Variants in STXBP6 observed in about 807,000 individuals in gnomAD.
STXBP6 encodes syntaxin binding protein 6.
STXBP6 carries 21 observed loss-of-function variants against 26.9 expected under a neutral mutation model. The observed-to-expected ratio is 0.78, with a 90% CI of 0.55 to 1.12. STXBP6 has a LOEUF of 1.12. Ranked by LOEUF, STXBP6 falls within the 50% of genes most tolerant of loss-of-function variation. The pLI, the probability that STXBP6 is intolerant of heterozygous loss-of-function variation, is 0.00. For synonymous variants in STXBP6, 97 were observed against 92.6 expected, an observed-to-expected ratio of 1.05 and a Z score of -0.27; for missense variants, 232 against 257.9, an observed-to-expected ratio of 0.90 and a Z score of 0.69.
At chr14:24,957,499 T>C (rs1285491780) in intron 2 of STXBP6, among the ~76,000 whole-genome samples, 1 of 152,252 alleles carries the variant, frequency 6.6e-6, no homozygotes, top group African/African-American at 2.4e-5. Flanking sequence ...ACCAGCTGCC[T>C]TCTCGCCTTT....
At chr14:25,028,591 A>C (rs1385327273) in intron 1 of STXBP6, among the ~76,000 whole-genome samples, 1 of 152,184 alleles carries the variant, frequency 6.6e-6, no homozygotes, top group Non-Finnish European at 1.5e-5. Context: ...AGGTACAAAA[A>C]GATTAATGTT....
At chr14:24,959,133 C>CA (rs1325650197) in intron 2 of STXBP6, among the ~76,000 whole-genome samples, 8 of 152,302 alleles carry the variant, frequency 5.3e-5, no homozygotes, top group African/African-American at 1.7e-4. Flanking sequence ...CCACTTTCTG[C>CA]AAAAACAAAT....
At chr14:25,020,636 C>CA (rs1472786664) in intron 1 of STXBP6, among the ~76,000 whole-genome samples, 5 of 152,274 alleles carry the variant, frequency 3.3e-5, no homozygotes, top group Non-Finnish European at 7.4e-5. Flanking sequence ...TACCACCCAT[C>CA]AAATGGTCTA....
chr14:24,904,599 A>G (rs377032270), intron 2 of STXBP6, among the ~76,000 whole-genome samples: 4 of 152,198 alleles, frequency 2.6e-5, no homozygotes, highest in Non-Finnish European at 4.4e-5. Flanking sequence ...ATTGAGGTCC[A>G]TAAGGATGGG....
chr14:24,977,125 A>G (rs778043848), intron 1 of STXBP6, among the ~76,000 whole-genome samples: 5 of 148,670 alleles, frequency 3.4e-5, no homozygotes, highest in Non-Finnish European at 6.0e-5. Flanking sequence ...CGGCCTCCCT[A>G]CGTGCTGGGA....
chr14:24,888,941 C>G (rs924614183), intron 2 of STXBP6, among the ~76,000 whole-genome samples: 4 of 152,056 alleles, frequency 2.6e-5, no homozygotes, highest in African/African-American at 9.7e-5. Flanking sequence ...CCCTTTTCCT[C>G]TTTTTGTACT....
rs2067836825 is a variant in STXBP6 at position 24,811,984 on chromosome 14, A to T, written c.*725T>A. 1 of 151,986 alleles carries T rather than the reference A, an allele frequency of 6.6e-6. No homozygotes were observed. The highest frequency in any genetic ancestry group is 2.4e-5 in the African/African-American group (1 of 41,370). The allele number at this position is 151,986 out of a possible 1,614,324, so 9.4% of individuals were successfully genotyped here. On this transcript the variant is annotated 3_prime_UTR_variant, in exon 6 of 6. Coordinates refer to ENST00000323944, the MANE Select transcript of STXBP6 (RefSeq NM_001394410.1). ...CTTTTCTTTAGGGCTTTACTCTCAA[A>T]TTTTTACCCTTCATATGATAATTCC... is the stretch of plus-strand genomic sequence containing the variant.
intron 2 of STXBP6, among the ~76,000 whole-genome samples, 182 bp downstream of exon 2, chr14:24,974,483 A>G (rs2073989652): frequency 6.6e-6 from 1 of 152,224 alleles, no homozygotes; most frequent in Non-Finnish European, 1.5e-5. Flanking sequence ...TACCTTTCCA[A>G]TACGCGGCAA....
intron 2 of STXBP6, among the ~76,000 whole-genome samples, chr14:24,886,302 G>T (rs894636005): frequency 6.6e-6 from 1 of 152,154 alleles, no homozygotes; most frequent in African/African-American, 2.4e-5. Flanking sequence ...CCAGCTACAA[G>T]TGCCTGAGCT....
At chr14:24,841,105 T>C (rs1208090191) in intron 4 of STXBP6, among the ~76,000 whole-genome samples, 1 of 152,232 alleles carries the variant, frequency 6.6e-6, no homozygotes, top group African/African-American at 2.4e-5. Context: ...GTGTGCTTCA[T>C]GTTGAAGCAC....
intron 5 of STXBP6, chr14:24,816,288 C>G (rs959635059): frequency 7.2e-5 from 11 of 152,298 alleles, no homozygotes; most frequent in Admixed American, 1.3e-4. Flanking sequence ...TGAACTCTCC[C>G]CTCACCAGCA....
intron 4 of STXBP6, among the ~76,000 whole-genome samples, chr14:24,854,690 G>A (rs1024453799): frequency 6.6e-6 from 1 of 152,064 alleles, no homozygotes; most frequent in East Asian, 1.9e-4. Flanking sequence ...TGCCAAGTCC[G>A]TTAAGGCTGG....
chr14:24,859,658 C>T (rs1322460560), intron 2 of STXBP6, among the ~76,000 whole-genome samples: 2 of 152,246 alleles, frequency 1.3e-5, no homozygotes, highest in South Asian at 2.1e-4. Context: ...ATTGACAGTA[C>T]ACCCTGGAAA....
intron 4 of STXBP6, among the ~76,000 whole-genome samples, chr14:24,828,764 T>G (rs2068364144): frequency 6.6e-6 from 1 of 152,192 alleles, no homozygotes; most frequent in African/African-American, 2.4e-5. Context: ...GGAAGAAACT[T>G]CTAGACAACG....
intron 2 of STXBP6, among the ~76,000 whole-genome samples, chr14:24,908,880 C>CA (rs1246479135): frequency 5.9e-5 from 9 of 152,148 alleles, no homozygotes; most frequent in African/African-American, 2.2e-4. Flanking sequence ...CATCACCCAC[C>CA]AGCAGCTAAA....
intron 2 of STXBP6, among the ~76,000 whole-genome samples, chr14:24,879,532 T>C (rs993499915): frequency 5.9e-5 from 9 of 152,168 alleles, no homozygotes; most frequent in Admixed American, 2.0e-4. Context: ...CATGATCTCA[T>C]TTGGTACACT....
At chr14:24,822,196 T>G (rs570141551) in intron 4 of STXBP6, among the ~76,000 whole-genome samples, 13 of 152,254 alleles carry the variant, frequency 8.5e-5, no homozygotes, top group African/African-American at 3.1e-4. Context: ...GGTCCCCTAC[T>G]TAGCAAACAA....
chr14:24,911,413 A>T (rs1595094604), intron 2 of STXBP6, among the ~76,000 whole-genome samples: 1 of 151,926 alleles, frequency 6.6e-6, no homozygotes, highest in Admixed American at 6.6e-5. Flanking sequence ...AAAGGAAAGG[A>T]AGAAGAAGGA....
intron 5 of STXBP6, chr14:24,818,174 GTTGTT>G (rs1328968255): frequency 1.1e-5 from 5 of 455,756 alleles, no homozygotes; most frequent in Non-Finnish European, 2.2e-5. Flanking sequence ...ATCAGCAGAT[GTTGTT>G]TCTGGAAGGC....
Sources: allele counts gnomAD v4.1 joint callset (sites outside exome capture counted in the v4.1 genomes callset), GRCh38; gene constraint gnomAD v4.1.1; transcripts MANE v1.5; gene names NCBI Gene and HGNC (gene_info 2026-07-23, HGNC 2026-07-21).